The following MFSD11 variants were observed in gnomAD, a reference collection of about 807,000 sequenced individuals.
MFSD11 encodes major facilitator superfamily domain containing 11, also known as UNC93-like protein MFSD11.
A neutral mutation model predicts 53.5 loss-of-function variants in MFSD11; 36 were observed. The observed-to-expected ratio is 0.67, with a 90% CI of 0.52 to 0.89. The LOEUF is 0.89. Ranked by LOEUF, MFSD11 falls within the 40% of genes least tolerant of loss-of-function variation. The probability of loss-of-function intolerance (pLI) is 0.00; values close to 1 mark genes in which losing one functional copy is unlikely to be tolerated. For synonymous variants in MFSD11, 186 were observed against 184.9 expected, an observed-to-expected ratio of 1.01 and a Z score of -0.05; for missense variants, 530 against 543.9, an observed-to-expected ratio of 0.97 and a Z score of 0.25.
the MFSD11 span, among the ~76,000 whole-genome samples, chr17:76,793,670 G>A: frequency 6.6e-6 from 1 of 151,544 alleles, no homozygotes; most frequent in Non-Finnish European, 1.5e-5. Context: ...GAAGTGATAA[G>A]TGTCCATGAA....
chr17:76,784,402 C>T (rs897623415), downstream of MFSD11, among the ~76,000 whole-genome samples: 1 of 151,876 alleles, frequency 6.6e-6, no homozygotes, highest in Non-Finnish European at 1.5e-5. Flanking sequence ...GGCATGGTGG[C>T]GCTGCCTGTA....
upstream of MFSD11, chr17:76,737,180 G>A: frequency 6.5e-7 from 1 of 1,529,482 alleles, no homozygotes. Flanking sequence ...TGGCGGCCCG[G>A]AGCCCCGCGA....
intron 10 of MFSD11, among the ~76,000 whole-genome samples, chr17:76,772,320 G>T (rs915968164): frequency 6.6e-6 from 1 of 151,684 alleles, no homozygotes; most frequent in Non-Finnish European, 1.5e-5. Flanking sequence ...AGCTACTTGG[G>T]AGGCTGAAGT....
At chr17:76,770,939 C>T (rs1459009403) in intron 10 of MFSD11, among the ~76,000 whole-genome samples, 6 of 152,158 alleles carry the variant, frequency 3.9e-5, no homozygotes, top group Admixed American at 1.3e-4. Flanking sequence ...GCCACATGGC[C>T]GGGTGCAGTG....
At chr17:76,782,585 TCTC>T (rs1033891181), downstream of MFSD11, among the ~76,000 whole-genome samples, 19 of 149,628 alleles carry the variant, frequency 1.3e-4, no homozygotes, top group African/African-American at 4.4e-4. Context: ...TTCAAGCAGT[TCTC>T]CTGCCTCAGC....
chr17:76,738,156 C>G lies in MFSD11; in HGVS notation c.-197C>G. ...ACTCGGATCGCTTCTTAGGAGTATC[C>G]TAACTGCCGGTGGGGAGAACTTCGC... On this transcript the variant is annotated 5_prime_UTR_variant, in exon 1 of 13. Transcript: ENST00000685175. The G allele has an allele frequency of 1.7e-6, 1 of 603,398 alleles. No homozygotes were observed. Among genetic ancestry groups the G allele is most frequent in the Non-Finnish European group, 2.9e-6 (1 of 341,402 alleles). The allele number at this position is 603,398 out of a possible 1,614,324, so 37.4% of individuals were successfully genotyped here.
chr17:76,741,103 T>A, intron 3 of MFSD11, 39 bp downstream of exon 3: 2 of 1,178,778 alleles, frequency 1.7e-6, no homozygotes, highest in Non-Finnish European at 2.5e-6. Context: ...ATCAGAACAC[T>A]TGTCAGGATC....
the MFSD11 span, among the ~76,000 whole-genome samples, chr17:76,791,891 A>G: frequency 1.4e-5 from 2 of 143,814 alleles, no homozygotes; most frequent in Non-Finnish European, 3.0e-5. Flanking sequence ...CGAGAGATCA[A>G]CTCTTTCATT....
At chr17:76,753,990 G>A in intron 7 of MFSD11, 57 bp from the exon 8 acceptor site, 1 of 1,421,686 alleles carries the variant, frequency 7.0e-7, no homozygotes, top group Non-Finnish European at 9.7e-7. Flanking sequence ...GTGATCGTAT[G>A]TTTGTTCTTT....
chr17:76,803,265 A>T, the MFSD11 span, among the ~76,000 whole-genome samples: 2 of 152,024 alleles, frequency 1.3e-5, no homozygotes, highest in Non-Finnish European at 2.9e-5. Flanking sequence ...GACCTAACCA[A>T]CTCCATCTTG....
the MFSD11 span, among the ~76,000 whole-genome samples, chr17:76,791,811 T>A: frequency 2.0e-5 from 3 of 149,106 alleles, no homozygotes; most frequent in African/African-American, 7.5e-5. Context: ...GCTTTGGGTT[T>A]GCTATACAGC....
chr17:76,794,916 G>A, the MFSD11 span, among the ~76,000 whole-genome samples: 6 of 148,144 alleles, frequency 4.1e-5, no homozygotes, highest in Admixed American at 1.4e-4. Context: ...GGCTGGTCTC[G>A]AGCTCCTGAC....
intron 7 of MFSD11, among the ~76,000 whole-genome samples, chr17:76,747,233 G>T (rs894182723): frequency 3.9e-5 from 6 of 152,174 alleles, no homozygotes; most frequent in African/African-American, 1.4e-4. Flanking sequence ...TGTGCCTGGG[G>T]CTGGGTACAG....
At chr17:76,753,441 G>GGCAGGT (rs1283978954) in intron 7 of MFSD11, among the ~76,000 whole-genome samples, 1 of 152,150 alleles carries the variant, frequency 6.6e-6, no homozygotes, top group Non-Finnish European at 1.5e-5. Flanking sequence ...AGGATGCTGA[G>GGCAGGT]GCAGGTGGAT....
chr17:76,766,204 G>GT (rs2080834717), intron 8 of MFSD11, among the ~76,000 whole-genome samples: 2 of 151,620 alleles, frequency 1.3e-5, no homozygotes, highest in Admixed American at 1.3e-4. Context: ...ATCACCTGAG[G>GT]TCAGGAGTTC....
upstream of MFSD11, chr17:76,737,398 A>C (rs1158325120): frequency 1.9e-5 from 9 of 478,484 alleles, no homozygotes; most frequent in South Asian, 4.0e-5. Flanking sequence ...CGCCACCCGG[A>C]AATGAAACCT....
intron 5 of MFSD11, 142 bp downstream of exon 5, chr17:76,742,415 A>G (rs2078177863): frequency 2.9e-6 from 2 of 688,132 alleles, no homozygotes; most frequent in Admixed American, 2.8e-5. Flanking sequence ...TTCCAATTTT[A>G]TAGAATCACT....
intron 8 of MFSD11, among the ~76,000 whole-genome samples, chr17:76,761,446 TA>T (rs2080220832): frequency 6.6e-6 from 1 of 152,130 alleles, no homozygotes; most frequent in African/African-American, 2.4e-5. Context: ...ATCTATATAA[TA>T]GATTACCCTA....
At position 76,741,045 on chromosome 17, in the gene MFSD11, G is replaced by C; in HGVS notation, c.241G>C (p.Ala81Pro). ...TGTAGGACCTCAACTCTCTATGTTT[G>C]CCAGTGGTTTATTTTACAGGTAAGT... ...AIVGPQLSMF[A>P]SGLFYSMYIA... Residue 81 changes from alanine (A) to proline (P), a missense_variant, in exon 3 of 13, where the codon GCC (alanine) becomes CCC (proline). Transcript: ENST00000685175. 1 of 1,607,022 alleles carries C rather than the reference G, an allele frequency of 6.2e-7. No individual in the cohort carries two copies. Among genetic ancestry groups the C allele is most frequent in the Non-Finnish European group, 8.5e-7 (1 of 1,174,254 alleles).
Sources: allele counts gnomAD v4.1 joint callset (sites outside exome capture counted in the v4.1 genomes callset), GRCh38; gene constraint gnomAD v4.1.1; transcripts MANE v1.5; gene names NCBI Gene and HGNC (gene_info 2026-07-23, HGNC 2026-07-21).